Variants in RALYL observed in about 807,000 individuals in gnomAD.
RALYL encodes RALY RNA binding protein like.
A neutral mutation model predicts 35.1 loss-of-function variants in RALYL; 29 were observed. The ratio of observed to expected loss-of-function variants is 0.83; its 90% confidence interval spans 0.61 to 1.13. RALYL has a LOEUF of 1.13. Among genes scored for constraint, RALYL ranks in the 50% most tolerant of loss-of-function variants. The pLI is 0.00. For synonymous variants in RALYL, 120 were observed against 127.6 expected (o/e 0.94, Z 0.40); for missense variants, 359 against 360.4 (o/e 1.00, Z 0.03).
chr8:84,412,694 C>T (rs1356173920), intron 1 of RALYL, among the ~76,000 whole-genome samples: 2 of 151,882 alleles, frequency 1.3e-5, no homozygotes, highest in Non-Finnish European at 2.9e-5. Context: ...AACTTTTATG[C>T]TAAAAGCAAT....
intron 2 of RALYL, among the ~76,000 whole-genome samples, chr8:84,555,335 T>A (rs181752994): frequency 6.6e-6 from 1 of 152,244 alleles, no homozygotes; most frequent in Admixed American, 6.5e-5. Context: ...ACATGATTAC[T>A]TGTTTAACAC....
chr8:84,570,737 T>C (rs904681620), intron 2 of RALYL, among the ~76,000 whole-genome samples: 1 of 151,964 alleles, frequency 6.6e-6, no homozygotes. Flanking sequence ...TGGATGGCTC[T>C]TATTATTTTG....
At chr8:84,467,382 G>C (rs529972151) in intron 1 of RALYL, among the ~76,000 whole-genome samples, 179 of 151,872 alleles carry the variant, frequency 1.2e-3, no homozygotes, top group South Asian at 1.9e-3. Flanking sequence ...CTTTATTTCT[G>C]CCTTCATTTC....
At chr8:84,865,148 A>G (rs1312401629) in intron 6 of RALYL, among the ~76,000 whole-genome samples, 1 of 152,218 alleles carries the variant, frequency 6.6e-6, no homozygotes, top group Non-Finnish European at 1.5e-5. Flanking sequence ...GCATGTATAA[A>G]TATTCATTAA....
intron 2 of RALYL, among the ~76,000 whole-genome samples, chr8:84,657,458 G>C (rs937168401): frequency 9.9e-5 from 15 of 152,144 alleles, no homozygotes; most frequent in Non-Finnish European, 1.0e-4. Context: ...AATATTTCTT[G>C]TTGGGGCTGA....
At chr8:84,889,393 A>T (rs976394030) in intron 8 of RALYL, among the ~76,000 whole-genome samples, 2 of 152,196 alleles carry the variant, frequency 1.3e-5, no homozygotes, top group African/African-American at 4.8e-5. Context: ...TTTACTTCTC[A>T]GCAGAATTTT....
intron 2 of RALYL, among the ~76,000 whole-genome samples, chr8:84,701,547 T>A (rs1840198308): frequency 6.6e-6 from 1 of 152,202 alleles, no homozygotes; most frequent in Admixed American, 6.5e-5. Flanking sequence ...CAGATAAAGA[T>A]GTCAATACTC....
At chr8:84,360,561 G>A (rs1193452350) in intron 1 of RALYL, among the ~76,000 whole-genome samples, 1 of 152,080 alleles carries the variant, frequency 6.6e-6, no homozygotes, top group African/African-American at 2.4e-5. Context: ...TCTTAATCTT[G>A]ACTACAGGTA....
Position 84,532,977 on chromosome 8 carries a change from A to G in RALYL, c.256+3400A>G, listed in dbSNP as rs564073674. Among the ~76,000 whole-genome samples the G allele has an allele frequency of 2.0e-4, 31 of 152,178 alleles. 1 individual carries two copies. Among genetic ancestry groups the G allele is most frequent in the African/African-American group, 6.3e-4 (26 of 41,558 alleles). ...TGATATATAATAGAAGACTGCTAAA[A>G]CCTCTGTGGAAAAACAAAAAAGATT... On this transcript the variant is annotated intron_variant, in intron 2 of 8. Coordinates refer to ENST00000521268, the MANE Select transcript of RALYL (RefSeq NM_173848.7).
chr8:84,427,156 A>C (rs865970638), intron 1 of RALYL, among the ~76,000 whole-genome samples: 2 of 152,232 alleles, frequency 1.3e-5, no homozygotes, highest in Non-Finnish European at 2.9e-5. Flanking sequence ...AGATATGCCC[A>C]ATGGAAACTA....
At chr8:84,299,374 A>C (rs931096063) in intron 1 of RALYL, among the ~76,000 whole-genome samples, 1 of 151,916 alleles carries the variant, frequency 6.6e-6, no homozygotes, top group African/African-American at 2.4e-5. Flanking sequence ...GTTTGCCAGT[A>C]TTTTGTTGAA....
At chr8:84,873,912 A>T (rs1395595965) in intron 7 of RALYL, among the ~76,000 whole-genome samples, 1 of 152,162 alleles carries the variant, frequency 6.6e-6, no homozygotes, top group Non-Finnish European at 1.5e-5. Flanking sequence ...AAGTTATTTG[A>T]TCATATATTT....
At chr8:84,702,539 T>TCACACACACACACACACACACACA (rs10678224) in intron 2 of RALYL, among the ~76,000 whole-genome samples, 7 of 136,532 alleles carry the variant, frequency 5.1e-5, no homozygotes, top group African/African-American at 2.2e-4. Flanking sequence ...TCTCTCTCTC[T>TCACACACACACACACACACACACA]CACACACACA....
chr8:84,892,469 G>C (rs1033805383), intron 8 of RALYL, among the ~76,000 whole-genome samples: 1 of 151,986 alleles, frequency 6.6e-6, no homozygotes, highest in African/African-American at 2.4e-5. Context: ...AATTAGCCGG[G>C]CATGGTAGCA....
At chr8:84,814,811 A>T (rs1563665281) in intron 4 of RALYL, among the ~76,000 whole-genome samples, 1 of 152,206 alleles carries the variant, frequency 6.6e-6, no homozygotes, top group Non-Finnish European at 1.5e-5. Flanking sequence ...GAGGGGGGAA[A>T]AAAGACCTGT....
At chr8:84,423,327 C>T (rs1587067866) in intron 1 of RALYL, among the ~76,000 whole-genome samples, 2 of 149,644 alleles carry the variant, frequency 1.3e-5, no homozygotes, top group African/African-American at 4.9e-5. Context: ...CTCTTTTGAT[C>T]TTTGTTGGTT....
chr8:84,920,149 G>A (rs1460064910), intron 8 of RALYL, among the ~76,000 whole-genome samples: 2 of 152,074 alleles, frequency 1.3e-5, no homozygotes, highest in Non-Finnish European at 2.9e-5. Flanking sequence ...GACATACACA[G>A]ATTTTCTATC....
rs1399809830 is a variant in RALYL, at chr8:84,826,682, A to G, written c.365+21880A>G. Reference sequence around the variant, plus strand: ...TAGGACCCTTCATCATCACGCTCCAATGAGGCCCACCAGTCGATAAGCCCT... The same window carrying G: ...TAGGACCCTTCATCATCACGCTCCAGTGAGGCCCACCAGTCGATAAGCCCT... On this transcript the variant is annotated intron_variant, in intron 4 of 8. Coordinates refer to ENST00000521268, the MANE Select transcript of RALYL (RefSeq NM_173848.7). Among the ~76,000 whole-genome samples the G allele has an allele frequency of 2.7e-5, 4 of 150,350 alleles. No homozygotes were observed. The South Asian group carries it at 6.2e-4, about 23-fold the overall frequency.
chr8:84,780,324 T>C (rs1201968479), intron 3 of RALYL, among the ~76,000 whole-genome samples: 1 of 152,208 alleles, frequency 6.6e-6, no homozygotes, highest in Non-Finnish European at 1.5e-5. Flanking sequence ...TAGGTCTACA[T>C]AGCAATTGCA....
Sources: allele counts gnomAD v4.1 joint callset (sites outside exome capture counted in the v4.1 genomes callset), GRCh38; gene constraint gnomAD v4.1.1; transcripts MANE v1.5; gene names NCBI Gene and HGNC (gene_info 2026-07-23, HGNC 2026-07-21).